Variants in ANXA4 observed in about 807,000 individuals in gnomAD.
The protein encoded by ANXA4 is 35-beta calcimedin.
In ANXA4, 39 loss-of-function variants were observed where a neutral mutation model predicts 49.8. The ratio of observed to expected loss-of-function variants is 0.78; its 90% CI spans 0.61 to 1.02. The LOEUF (loss-of-function observed/expected upper bound fraction) is 1.02, where lower values mean the gene tolerates loss of function less well. ANXA4 is among the 50% of genes least tolerant of loss of function. The pLI is 0.00. For synonymous variants in ANXA4, 134 were observed against 152.5 expected (o/e 0.88, Z 0.89); for missense variants, 360 against 410.1 (o/e 0.88, Z 1.05).
rs1558530805 is a variant in ANXA4, at chr2:69,825,527, C to T, written c.*12C>T. The stretch of plus-strand genomic sequence containing the variant: ...GAGGAGATGATTAAAATAAAAATCC[C>T]AGAAGGACAGGAGGATTCTCAACAC... On this transcript the variant is annotated 3_prime_UTR_variant, in exon 13 of 13. Coordinates refer to ENST00000394295, the MANE Select transcript of ANXA4 (RefSeq NM_001153.5). 6.2e-7 allele frequency: 1 copy of T among 1,601,276 alleles called. No individual in the cohort carries two copies. Among genetic ancestry groups the T allele is most frequent in the Admixed American group, 1.8e-5 (1 of 56,958 alleles).
At chr2:69,790,807 G>A (rs1672658184) in intron 3 of ANXA4, among the ~76,000 whole-genome samples, 1 of 152,184 alleles carries the variant, frequency 6.6e-6, no homozygotes, top group Admixed American at 6.5e-5. Flanking sequence ...AGTAAGCAGG[G>A]TTAGTTTAAA....
chr2:69,804,579 C>G lies in ANXA4; in HGVS notation c.144C>G (p.Thr48=), dbSNP rs925335717. Residue 48 remains threonine, a synonymous_variant, in exon 4 of 13, where the codon ACC becomes ACG. Coordinates refer to ENST00000394295, the MANE Select transcript of ANXA4 (RefSeq NM_001153.5). The part of the protein sequence containing the change: ...AIISVLAYRN[T]AQRQEIRTAY... ...TTAGCGTCCTTGCCTACCGCAACAC[C>G]GCCCAGCGCCAGGAGATCAGGACAG... 7 of 1,613,746 alleles carry G rather than the reference C, an allele frequency of 4.3e-6. No individual in the cohort carries two copies. The highest frequency in any genetic ancestry group is 1.3e-5 in the African/African-American group (1 of 74,896).
At chr2:69,820,580 G>A in intron 11 of ANXA4, 119 bp from the exon 12 acceptor site, 5 of 1,197,324 alleles carry the variant, frequency 4.2e-6, no homozygotes, top group Non-Finnish European at 5.9e-6. Flanking sequence ...GGCCTGCCAA[G>A]TAGTGGAGCA....
chr2:69,646,805 A>C (rs529443891), intron 1 of ANXA4, among the ~76,000 whole-genome samples: 30 of 152,340 alleles, frequency 2.0e-4, no homozygotes, highest in African/African-American at 7.2e-4. Context: ...ATTGTAGCTC[A>C]CTGACCACTA....
chr2:69,672,710 A>G (rs1279094100), intron 2 of ANXA4, among the ~76,000 whole-genome samples: 2 of 152,178 alleles, frequency 1.3e-5, no homozygotes, highest in Non-Finnish European at 2.9e-5. Flanking sequence ...CAGAATGATG[A>G]CTATGCATGG....
At chr2:69,653,708 G>C (rs114459721) in intron 2 of ANXA4, among the ~76,000 whole-genome samples, 2,738 of 152,272 alleles carry the variant, frequency 0.018, 69 homozygotes, top group African/African-American at 0.063. Flanking sequence ...TTCCCCTAGA[G>C]GGTATTTTGG....
intron 2 of ANXA4, among the ~76,000 whole-genome samples, chr2:69,664,108 G>A (rs1676844638): frequency 6.6e-6 from 1 of 152,148 alleles, no homozygotes; most frequent in Non-Finnish European, 1.5e-5. Context: ...TTTCTCAGTA[G>A]CAACACATGA....
chr2:69,811,856 C>T (rs904319270), intron 7 of ANXA4, among the ~76,000 whole-genome samples: 1 of 152,100 alleles, frequency 6.6e-6, no homozygotes, highest in Admixed American at 6.5e-5. Flanking sequence ...TATTTCTTTC[C>T]CACTTTCTCT....
chr2:69,798,268 C>T (rs759658859), intron 3 of ANXA4, among the ~76,000 whole-genome samples: 3 of 152,256 alleles, frequency 2.0e-5, no homozygotes, highest in Non-Finnish European at 4.4e-5. Context: ...CCTTAACCTG[C>T]ATTCCTGGTT....
chr2:69,674,334 C>G (rs1421624715), intron 2 of ANXA4: 2 of 152,168 alleles, frequency 1.3e-5, no homozygotes, highest in African/African-American at 4.8e-5. Context: ...AAAATAGATT[C>G]TGCTGTTTTT....
chr2:69,681,366 A>T (rs1427457608), intron 2 of ANXA4, among the ~76,000 whole-genome samples: 7 of 139,216 alleles, frequency 5.0e-5, no homozygotes, highest in South Asian at 2.3e-4. Flanking sequence ...TTCATTTCTG[A>T]TTTTTTTTTT....
intron 2 of ANXA4, among the ~76,000 whole-genome samples, chr2:69,786,285 G>C (rs937837416): frequency 2.6e-5 from 4 of 152,030 alleles, no homozygotes; most frequent in Non-Finnish European, 1.5e-5. Context: ...AAGTTCTGTC[G>C]CCTTTGCTCC....
At chr2:69,645,799 C>A (rs1173296506) in intron 1 of ANXA4, among the ~76,000 whole-genome samples, 1 of 152,172 alleles carries the variant, frequency 6.6e-6, no homozygotes. Context: ...ATTATAATGA[C>A]AAATCCACAG....
intron 2 of ANXA4, among the ~76,000 whole-genome samples, chr2:69,719,264 T>C (rs1427273957): frequency 1.6e-5 from 2 of 126,846 alleles, no homozygotes; most frequent in Non-Finnish European, 3.3e-5. Context: ...TCCAGTCTTT[T>C]TTTTTTTTTT....
rs1384389852 is a variant in ANXA4 at position 69,816,112 on chromosome 2, G to A, written c.546G>A (p.Glu182=). Residue 182 remains glutamate (E), a synonymous_variant, in exon 9 of 13, where the codon GAG becomes GAA. Transcript: ENST00000394295. ...TTGTTTGGCTTCAGGACCTGTATGA[G>A]GCTGGAGAGAAGAAATGGGGGACAG... ...LVRQDAQDLY[E]AGEKKWGTDE... is the part of the protein sequence containing the mutation. The A allele has an allele frequency of 5.6e-6, 9 of 1,614,076 alleles. No individual in the cohort carries two copies. The highest frequency in any genetic ancestry group is 7.6e-6 in the Non-Finnish European group (9 of 1,179,940).
At chr2:69,691,771 T>C (rs968959403) in intron 2 of ANXA4, among the ~76,000 whole-genome samples, 2 of 152,220 alleles carry the variant, frequency 1.3e-5, no homozygotes, top group African/African-American at 4.8e-5. Flanking sequence ...GTTAGCAGCG[T>C]AGAAGCAGCT....
At chr2:69,818,444 C>A in intron 9 of ANXA4, 155 bp from the exon 10 acceptor site, 1 of 454,528 alleles carries the variant, frequency 2.2e-6, no homozygotes. Context: ...TCTGCACATC[C>A]CTCCTGGCTG....
At chr2:69,651,801 T>C (rs1417309235) in intron 1 of ANXA4, among the ~76,000 whole-genome samples, 3 of 27,364 alleles carry the variant, frequency 1.1e-4, no homozygotes, top group Admixed American at 4.1e-4. Context: ...CGCGCCCGGC[T>C]TTTTTTTTTT....
intron 2 of ANXA4, among the ~76,000 whole-genome samples, chr2:69,674,796 C>T (rs1677331472): frequency 6.6e-6 from 1 of 151,998 alleles, no homozygotes; most frequent in Non-Finnish European, 1.5e-5. Context: ...TAACCTGTGA[C>T]TTCAATACCT....
Sources: allele counts gnomAD v4.1 joint callset (sites outside exome capture counted in the v4.1 genomes callset), GRCh38; gene constraint gnomAD v4.1.1; transcripts MANE v1.5; gene names NCBI Gene and HGNC (gene_info 2026-07-23, HGNC 2026-07-21).